NUB1: variants seen among roughly 807,000 people sequenced by gnomAD.
NUB1 encodes the protein negative regulator of ubiquitin like proteins 1, also known as NEDD8 ultimate buster 1.
Under a neutral mutation model 77.1 loss-of-function variants are expected in NUB1, and 41 were observed. The ratio of observed to expected loss-of-function variants is 0.53; its 90% CI spans 0.41 to 0.69. NUB1 has a LOEUF of 0.69. NUB1 is among the 30% of genes least tolerant of loss of function. The pLI is 0.00. For missense variants in NUB1, 643 were observed against 743.8 expected (o/e 0.86, Z 1.58); for synonymous variants, 257 against 281.0 (o/e 0.91, Z 0.85).
chr7:151,371,566 G>C (rs1473586525), intron 11 of NUB1, among the ~76,000 whole-genome samples: 1 of 152,166 alleles, frequency 6.6e-6, no homozygotes, highest in Non-Finnish European at 1.5e-5. Flanking sequence ...GCCACCTGGG[G>C]AGCTGGAGCA....
chr7:151,359,011 G>A (rs1797225822), intron 7 of NUB1, among the ~76,000 whole-genome samples: 1 of 151,942 alleles, frequency 6.6e-6, no homozygotes, highest in Non-Finnish European at 1.5e-5. Flanking sequence ...GTTGCAGTGA[G>A]CCGAGATCGC....
At chr7:151,348,383 G>GT (rs202123795) in intron 2 of NUB1, among the ~76,000 whole-genome samples, 27 of 148,398 alleles carry the variant, frequency 1.8e-4, no homozygotes, top group Admixed American at 1.0e-3. Flanking sequence ...TATTTTCTGG[G>GT]TTTTTTTTTC....
intron 7 of NUB1, 102 bp from the exon 8 acceptor site, chr7:151,360,039 T>G (rs1797295568): frequency 1.7e-6 from 1 of 582,322 alleles, no homozygotes; most frequent in Admixed American, 3.1e-5. Context: ...TGATCTTGTT[T>G]TCATTTTTTT....
At position 151,377,303 on chromosome 7, in the gene NUB1, C is replaced by A; in HGVS notation, c.*78C>A. The stretch of plus-strand genomic sequence containing the variant: ...AAAGGCTAATGCAGCTCTTTCTGTT[C>A]TTACTTTTTATCTGAATTACAAGTC... On this transcript the variant is annotated 3_prime_UTR_variant, in exon 15 of 15. Coordinates refer to ENST00000568733, the MANE Select transcript of NUB1 (RefSeq NM_001243351.2). The A allele has an allele frequency of 1.3e-5, 12 of 904,658 alleles. No individual in the cohort carries two copies. The highest frequency in any genetic ancestry group is 1.7e-5 in the Non-Finnish European group (11 of 633,618). 56.0% of individuals were successfully genotyped at this position (904,658 alleles called of 1,614,324 possible). A position where few individuals can be genotyped will look rare whatever the true frequency, so the allele number is the denominator to read the frequency against.
Position 151,345,097 on chromosome 7 carries a change from CAT to C in NUB1, c.-2-250_-2-249del, listed in dbSNP as rs567447130. Among the ~76,000 whole-genome samples the C allele has an allele frequency of 1.8e-4, 27 of 152,096 alleles. No individual in the cohort carries two copies. The South Asian group carries it at 3.5e-3, about 20-fold the overall frequency. ...AGAATAGCAGATTAAGAAATAGAAA[CAT>C]GTAATAATCCTTGCTACATATTAGC... On this transcript the variant is annotated intron_variant, in intron 1 of 14. Transcript: ENST00000568733.
intron 10 of NUB1, 38 bp from the exon 11 acceptor site, chr7:151,368,697 G>T: frequency 6.4e-7 from 1 of 1,562,662 alleles, no homozygotes; most frequent in African/African-American, 1.4e-5. Context: ...TTTAAGTATT[G>T]CCGTGGTTAC....
intron 1 of NUB1, among the ~76,000 whole-genome samples, chr7:151,342,150 TA>T (rs545353192): frequency 8.5e-4 from 130 of 152,332 alleles, no homozygotes; most frequent in African/African-American, 3.0e-3. Context: ...AATATGTCTA[TA>T]AAAAATTAGC....
At chr7:151,342,434 T>C (rs1481717552) in intron 1 of NUB1, among the ~76,000 whole-genome samples, 1 of 152,244 alleles carries the variant, frequency 6.6e-6, no homozygotes, top group Non-Finnish European at 1.5e-5. Flanking sequence ...GTAGCAATGA[T>C]CGATTCATTA....
chr7:151,356,296 A>G, intron 7 of NUB1, 74 bp downstream of exon 7: 1 of 1,055,520 alleles, frequency 9.5e-7, no homozygotes, highest in African/African-American at 1.6e-5. Context: ...TAGTTGCTTT[A>G]TGTTGGAAGT....
intron 1 of NUB1, among the ~76,000 whole-genome samples, chr7:151,344,051 G>T (rs1252067605): frequency 1.3e-5 from 2 of 150,674 alleles, no homozygotes; most frequent in Non-Finnish European, 3.0e-5. Context: ...CGTGGTGGCG[G>T]GCGCCTGTAG....
At chr7:151,344,214 G>C (rs200140451) in intron 1 of NUB1, among the ~76,000 whole-genome samples, 1 of 98,494 alleles carries the variant, frequency 1.0e-5, no homozygotes, top group Admixed American at 1.0e-4. Flanking sequence ...AAAAAAAAAA[G>C]TAGATGTGCT....
At chr7:151,355,392 T>C (rs779326646) in intron 5 of NUB1, among the ~76,000 whole-genome samples, 8 of 152,212 alleles carry the variant, frequency 5.3e-5, no homozygotes, top group Non-Finnish European at 1.0e-4. Flanking sequence ...AATTCCATTT[T>C]GTCCAGGAGC....
Position 151,367,102 on chromosome 7 carries a change from C to A in NUB1, c.964C>A (p.His322Asn). ...CTTTAAAAATTGTTACGGAGAAAAT[C>A]ATCAGAGACTGGTCCACATAAAAGT... is the stretch of plus-strand genomic sequence containing the variant. The part of the protein sequence containing the change: ...KCFKNCYGEN[H>N]QRLVHIKGNC... Residue 322 changes from histidine (H) to asparagine (N), a missense_variant, in exon 9 of 15, where the codon CAT becomes AAT. His to Asn is a moderately conservative substitution (Grantham distance 68). Coordinates refer to ENST00000568733, the MANE Select transcript of NUB1 (RefSeq NM_001243351.2). The A allele has an allele frequency of 3.7e-6, 6 of 1,613,534 alleles. No individual in the cohort carries two copies. Among genetic ancestry groups the A allele is most frequent in the Non-Finnish European group, 4.2e-6 (5 of 1,179,668 alleles).
Position 151,342,058 on chromosome 7 carries a change from T to G in NUB1, c.-3+212T>G, listed in dbSNP as rs1454448530. 6.9e-6 allele frequency: 6 copies of G among 873,904 alleles called. No individual in the cohort carries two copies. The East Asian group carries it at 1.8e-4, about 26-fold the overall frequency. The allele number at this position is 873,904 out of a possible 1,614,324, so 54.1% of individuals were successfully genotyped here. A position where few individuals can be genotyped will look rare whatever the true frequency, so the allele number is the denominator to read the frequency against. ...GGACGCGCTGGCCGTTCGGGGCCCT[T>G]TGGTTTGCCCTGAGTTAGGCAGAGG... On this transcript the variant is annotated intron_variant, in intron 1 of 14. Transcript: ENST00000568733.
chr7:151,377,209 C>G lies in NUB1; in HGVS notation c.1832C>G (p.Ala611Gly). ...TCCTATGTAGAAAATAGGAAGTCAGCAACAAAGAAAAACTAAATAATGAAC... is the reference window on the plus strand; with the variant it reads ...TCCTATGTAGAAAATAGGAAGTCAGGAACAAAGAAAAACTAAATAATGAAC... ...YLSYVENRKSATKKN is the reference protein window; with the variant it reads ...YLSYVENRKSGTKKN Residue 611 changes from alanine to glycine, a missense_variant, in exon 15 of 15, where the codon GCA becomes GGA. Ala to Gly is a moderately conservative substitution (Grantham distance 60). Coordinates refer to ENST00000568733, the MANE Select transcript of NUB1 (RefSeq NM_001243351.2). The G allele has an allele frequency of 6.5e-7, 1 of 1,546,298 alleles. No individual in the cohort carries two copies. Among genetic ancestry groups the G allele is most frequent in the Non-Finnish European group, 8.7e-7 (1 of 1,147,062 alleles).
chr7:151,355,112 AT>A (rs1797003249), intron 5 of NUB1, among the ~76,000 whole-genome samples: 1 of 151,932 alleles, frequency 6.6e-6, no homozygotes, highest in African/African-American at 2.4e-5. Context: ...TGGCTTTATT[AT>A]TTTTTCAACT....
At chr7:151,373,067 AG>A (rs1798034498) in intron 11 of NUB1, among the ~76,000 whole-genome samples, 1 of 152,058 alleles carries the variant, frequency 6.6e-6, no homozygotes, top group Non-Finnish European at 1.5e-5. Flanking sequence ...CTAAGAGATG[AG>A]GCCGCTTTCC....
Position 151,360,182 on chromosome 7 carries a change from T to G in NUB1, c.735T>G (p.Ala245=). ...TGGGATATCATGAGAAGGGCAGAGC[T>G]TTCCTGAAAAGAAAAGAATATGGAA... ...LAMGYHEKGR[A]FLKRKEYGIA... Residue 245 remains alanine, a synonymous_variant, in exon 8 of 15, where the codon GCT becomes GCG. Coordinates refer to ENST00000568733, the MANE Select transcript of NUB1 (RefSeq NM_001243351.2). 6.2e-7 allele frequency: 1 copy of G among 1,610,126 alleles called. No homozygotes were observed. Among genetic ancestry groups the G allele is most frequent in the Non-Finnish European group, 8.5e-7 (1 of 1,176,406 alleles).
intron 4 of NUB1, among the ~76,000 whole-genome samples, chr7:151,351,830 T>C (rs11980868): frequency 0.02 from 3,075 of 152,166 alleles, 120 homozygotes; most frequent in African/African-American, 0.071. Context: ...TTTGAATTAC[T>C]ATTTTTTTTC....
Sources: allele counts gnomAD v4.1 joint callset (sites outside exome capture counted in the v4.1 genomes callset), GRCh38; gene constraint gnomAD v4.1.1; transcripts MANE v1.5; gene names NCBI Gene and HGNC (gene_info 2026-07-23, HGNC 2026-07-21).